SNX29: variants seen among roughly 807,000 people sequenced by gnomAD.
SNX29 encodes the protein sorting nexin-29.
In SNX29, 78 loss-of-function variants were observed where a neutral mutation model predicts 102.1. The observed-to-expected ratio is 0.76, with a 90% CI of 0.64 to 0.92. The LOEUF is 0.92. Ranked by LOEUF, SNX29 falls within the 40% of genes least tolerant of loss-of-function variation. The pLI is 0.00. For missense variants in SNX29, 1,280 were observed against 1,061.7 expected, an observed-to-expected ratio of 1.21 and a Z score of -2.86; for synonymous variants, 580 against 414.5, an observed-to-expected ratio of 1.40 and a Z score of -4.85.
intron 19 of SNX29, among the ~76,000 whole-genome samples, chr16:12,489,981 T>C (rs559152816): frequency 6.6e-6 from 1 of 152,176 alleles, no homozygotes; most frequent in Admixed American, 6.5e-5. Context: ...AATTTCTGTA[T>C]TTTTAGTAGA....
intron 15 of SNX29, among the ~76,000 whole-genome samples, chr16:12,342,016 A>G (rs1187253225): frequency 6.6e-6 from 1 of 152,170 alleles, no homozygotes; most frequent in African/African-American, 2.4e-5. Flanking sequence ...TGCTGCTGAG[A>G]ACGTGAACTC....
rs1040618704 is a variant in SNX29, at chr16:12,335,122, C to T, written c.1783-21041C>T. 2.0e-5 allele frequency among the ~76,000 whole-genome samples: 3 copies of T among 151,908 alleles called. No homozygotes were observed. In the East Asian group the frequency reaches 5.8e-4, roughly 29 times the overall value. ...GGGAGCAGGACACTTAGCAGCACTTCCCAGAGTGGTGTCCCAGGACAGAGG... is the reference window on the plus strand; with the variant it reads ...GGGAGCAGGACACTTAGCAGCACTTTCCAGAGTGGTGTCCCAGGACAGAGG... On this transcript the variant is annotated intron_variant, in intron 15 of 20. Transcript: ENST00000566228.
chr16:12,006,141 C>T (rs563238775), intron 3 of SNX29, among the ~76,000 whole-genome samples: 7 of 151,734 alleles, frequency 4.6e-5, no homozygotes, highest in African/African-American at 1.2e-4. Flanking sequence ...GAGTTCAAGG[C>T]TGCGGTGAGC....
intron 19 of SNX29, among the ~76,000 whole-genome samples, chr16:12,517,876 C>G (rs1486859133): frequency 2.6e-5 from 4 of 151,990 alleles, no homozygotes; most frequent in Non-Finnish European, 5.9e-5. Flanking sequence ...GGAGCGAAGA[C>G]CAAAATGGCA....
chr16:12,416,373 A>G (rs1052053341), intron 18 of SNX29, among the ~76,000 whole-genome samples: 2 of 152,184 alleles, frequency 1.3e-5, no homozygotes, highest in African/African-American at 4.8e-5. Flanking sequence ...CAGGGTGACT[A>G]TGGTTAACAA....
At chr16:12,227,603 A>C (rs2077649429) in intron 14 of SNX29, among the ~76,000 whole-genome samples, 1 of 152,192 alleles carries the variant, frequency 6.6e-6, no homozygotes, top group Admixed American at 6.5e-5. Context: ...TTGCTATTCA[A>C]AATGAGGTCT....
At position 12,568,563 on chromosome 16, in the gene SNX29, C is replaced by T. The variant is rs2288423; in HGVS notation, c.2376C>T (p.Phe792=). Residue 792 remains phenylalanine, a synonymous_variant, in exon 21 of 21, where the codon TTC becomes TTT. Transcript: ENST00000566228. ...GCCGGCCCAAAGCAGCTTCCCGCTT[C>T]CCCAAACTGTCCCGGGGTCAGCCCC... ...VNSRPKAASR[F]PKLSRGQPRE... The T allele has an allele frequency of 0.24, 389,397 of 1,608,270 alleles. 49,509 individuals carry two copies. Among genetic ancestry groups the T allele is most frequent in the East Asian group, 0.44 (19,694 of 44,802 alleles).
chr16:12,090,501 T>C (rs2052473175), intron 11 of SNX29, among the ~76,000 whole-genome samples: 1 of 152,132 alleles, frequency 6.6e-6, no homozygotes, highest in Non-Finnish European at 1.5e-5. Flanking sequence ...GAGACCCCCT[T>C]GGGACCAATT....
intron 20 of SNX29, among the ~76,000 whole-genome samples, chr16:12,525,343 AAT>A (rs2076750034): frequency 1.3e-5 from 2 of 151,988 alleles, no homozygotes; most frequent in South Asian, 4.1e-4. Flanking sequence ...AAAAAAAAAA[AAT>A]TAAAAGAGTT....
chr16:12,011,614 TCTTA>T (rs1451228139), intron 3 of SNX29, among the ~76,000 whole-genome samples: 3 of 152,100 alleles, frequency 2.0e-5, no homozygotes, highest in African/African-American at 7.3e-5. Flanking sequence ...TTAATATTTG[TCTTA>T]CTTATATTGA....
chr16:12,272,534 C>G (rs1017959126), intron 14 of SNX29, among the ~76,000 whole-genome samples: 4 of 152,274 alleles, frequency 2.6e-5, no homozygotes, highest in Non-Finnish European at 5.9e-5. Flanking sequence ...CTCCACTGCT[C>G]TCTTACCTGA....
At chr16:12,563,312 A>C (rs2078836996) in intron 20 of SNX29, among the ~76,000 whole-genome samples, 1 of 151,956 alleles carries the variant, frequency 6.6e-6, no homozygotes, top group African/African-American at 2.4e-5. Flanking sequence ...CTGCTTTGTG[A>C]CTGGAGAGAG....
At position 12,137,741 on chromosome 16, in the gene SNX29, C is replaced by T. The variant is rs549527547; in HGVS notation, c.1595+7983C>T. ...CATTTCTTCAGTGTCCATTCAAAGGCACTGATTATATTTTTATCACAAGAG... is the reference window on the plus strand; with the variant it reads ...CATTTCTTCAGTGTCCATTCAAAGGTACTGATTATATTTTTATCACAAGAG... On this transcript the variant is annotated intron_variant, in intron 13 of 20. Coordinates refer to ENST00000566228, the MANE Select transcript of SNX29 (RefSeq NM_032167.5). 3.3e-5 allele frequency among the ~76,000 whole-genome samples: 5 copies of T among 152,306 alleles called. No individual in the cohort carries two copies. The East Asian group carries it at 7.7e-4, about 23-fold the overall frequency.
chr16:12,512,668 G>C (rs2089684128), intron 19 of SNX29, among the ~76,000 whole-genome samples: 1 of 151,870 alleles, frequency 6.6e-6, no homozygotes, highest in South Asian at 2.1e-4. Context: ...CTCTACCATG[G>C]GTGCCTGATG....
chr16:12,303,747 T>C (rs1299698095), intron 15 of SNX29, among the ~76,000 whole-genome samples: 1 of 152,234 alleles, frequency 6.6e-6, no homozygotes, highest in African/African-American at 2.4e-5. Context: ...GTTATTCTCT[T>C]GCATGCTTGA....
At chr16:11,999,735 CTA>C (rs979696862) in intron 2 of SNX29, among the ~76,000 whole-genome samples, 1 of 152,032 alleles carries the variant, frequency 6.6e-6, no homozygotes, top group African/African-American at 2.4e-5. Context: ...AACCCTGTCT[CTA>C]TAAAAATACA....
intron 18 of SNX29, among the ~76,000 whole-genome samples, chr16:12,472,190 A>C (rs1290809636): frequency 2.0e-5 from 3 of 152,152 alleles, no homozygotes; most frequent in African/African-American, 7.2e-5. Context: ...AACTAGACCC[A>C]GAGGAGCACA....
At chr16:12,477,226 C>G (rs1229855946) in intron 18 of SNX29, among the ~76,000 whole-genome samples, 1 of 152,196 alleles carries the variant, frequency 6.6e-6, no homozygotes, top group Non-Finnish European at 1.5e-5. Context: ...TGCCCCCTCC[C>G]TTCTTTCTGA....
intron 1 of SNX29, among the ~76,000 whole-genome samples, chr16:11,983,908 C>T (rs2055492489): frequency 6.6e-6 from 1 of 151,978 alleles, no homozygotes; most frequent in African/African-American, 2.4e-5. Context: ...AACACTGGTT[C>T]TCAGGAGAGA....
Sources: allele counts gnomAD v4.1 joint callset (sites outside exome capture counted in the v4.1 genomes callset), GRCh38; gene constraint gnomAD v4.1.1; transcripts MANE v1.5; gene names NCBI Gene and HGNC (gene_info 2026-07-23, HGNC 2026-07-21).